CSNK1G3: variants seen among roughly 807,000 people sequenced by gnomAD.
CSNK1G3 encodes casein kinase 1 gamma 3, also known as casein kinase I isoform gamma-3.
A neutral mutation model predicts 64.3 loss-of-function variants in CSNK1G3; 23 were observed. That is an observed-to-expected ratio of 0.36 (90% CI 0.26 to 0.51). CSNK1G3 has a LOEUF of 0.51. Ranked by LOEUF, CSNK1G3 falls within the 20% of genes least tolerant of loss-of-function variation. CSNK1G3 has a pLI of 0.96. For missense variants in CSNK1G3, 357 were observed against 510.5 expected, an observed-to-expected ratio of 0.70 and a Z score of 2.90; for synonymous variants, 158 against 162.2, an observed-to-expected ratio of 0.97 and a Z score of 0.20.
exon 2 of CSNK1G3, chr5:123,545,698 A>G (rs377249938): frequency 1.2e-6 from 2 of 1,613,280 alleles, no homozygotes; most frequent in Admixed American, 1.7e-5. Flanking sequence ...GACAAATCAG[A>G]TGATAGAATG....
chr5:123,522,450 C>T (rs1233741771), intron 1 of CSNK1G3, among the ~76,000 whole-genome samples: 2 of 151,480 alleles, frequency 1.3e-5, no homozygotes, highest in East Asian at 3.9e-4. Flanking sequence ...TTGCAGTGAG[C>T]CGAGATGACA....
intron 10 of CSNK1G3, among the ~76,000 whole-genome samples, chr5:123,601,322 A>G (rs965107107): frequency 6.6e-6 from 1 of 152,198 alleles, no homozygotes; most frequent in Non-Finnish European, 1.5e-5. Context: ...TAATGCCATG[A>G]TACACTCTCA....
chr5:123,582,597 A>G (rs1581262870), intron 6 of CSNK1G3, among the ~76,000 whole-genome samples: 1 of 152,324 alleles, frequency 6.6e-6, no homozygotes, highest in Non-Finnish European at 1.5e-5. Flanking sequence ...AATGATACCT[A>G]TTTTAAAGAA....
intron 1 of CSNK1G3, among the ~76,000 whole-genome samples, chr5:123,513,338 TG>T (rs1776590996): frequency 1.3e-5 from 2 of 151,806 alleles, no homozygotes; most frequent in African/African-American, 4.8e-5. Flanking sequence ...ACTCGTGGGG[TG>T]GGGGTAGTGA....
chr5:123,565,173 A>G lies in CSNK1G3; in HGVS notation c.289+7609A>G, dbSNP rs868243888. Among the ~76,000 whole-genome samples, 23 of 152,364 alleles carry G rather than the reference A, an allele frequency of 1.5e-4. No homozygotes were observed. In the South Asian group the frequency reaches 2.3e-3, roughly 15 times the overall value. ...GCAAATGTCTTTAATGTCTGGCTTA[A>G]CAGTAAACAGCTAGATTCCCATATC... On this transcript the variant is annotated intron_variant, in intron 4 of 12. Transcript: ENST00000345990.
intron 1 of CSNK1G3, among the ~76,000 whole-genome samples, chr5:123,523,206 G>T (rs1413692877): frequency 6.6e-6 from 1 of 152,018 alleles, no homozygotes; most frequent in Non-Finnish European, 1.5e-5. Flanking sequence ...TTCCCGCTCA[G>T]TGAAAAAATT....
chr5:123,531,693 A>G (rs1779965259), intron 1 of CSNK1G3, among the ~76,000 whole-genome samples: 1 of 152,020 alleles, frequency 6.6e-6, no homozygotes, highest in African/African-American at 2.4e-5. Flanking sequence ...ACTGAGAATA[A>G]TTACAGATTT....
At chr5:123,586,503 A>G (rs574439560) in intron 6 of CSNK1G3, among the ~76,000 whole-genome samples, 1 of 152,296 alleles carries the variant, frequency 6.6e-6, no homozygotes, top group African/African-American at 2.4e-5. Flanking sequence ...TTATTTTGGA[A>G]AATTTGCTAT....
chr5:123,534,016 C>T (rs974660718), intron 1 of CSNK1G3, among the ~76,000 whole-genome samples: 3 of 151,248 alleles, frequency 2.0e-5, no homozygotes, highest in Admixed American at 6.6e-5. Context: ...ATCCTGTGCA[C>T]GGATGGGGTT....
intron 2 of CSNK1G3, among the ~76,000 whole-genome samples, chr5:123,551,420 T>TCA (rs1783618993): frequency 1.3e-5 from 2 of 152,222 alleles, no homozygotes; most frequent in Non-Finnish European, 2.9e-5. Context: ...TGAATAGAGC[T>TCA]TAAAGTTGAC....
chr5:123,558,041 C>T (rs183874184), intron 4 of CSNK1G3, among the ~76,000 whole-genome samples: 1 of 152,130 alleles, frequency 6.6e-6, no homozygotes, highest in African/African-American at 2.4e-5. Flanking sequence ...TTTACACACA[C>T]AGAAAAGGAG....
chr5:123,557,253 T>G (rs1309466995), intron 3 of CSNK1G3, among the ~76,000 whole-genome samples: 1 of 152,034 alleles, frequency 6.6e-6, no homozygotes, highest in Non-Finnish European at 1.5e-5. Flanking sequence ...GGTCAAAGAG[T>G]CAAACTTAAG....
At chr5:123,594,742 GTTCT>G (rs1248440118) in intron 10 of CSNK1G3, among the ~76,000 whole-genome samples, 12 of 151,872 alleles carry the variant, frequency 7.9e-5, no homozygotes, top group African/African-American at 2.9e-4. Context: ...TACCTTTCTG[GTTCT>G]TTATTAGTTC....
chr5:123,607,136 G>T, intron 12 of CSNK1G3, among the ~76,000 whole-genome samples: 1 of 151,926 alleles, frequency 6.6e-6, no homozygotes, highest in East Asian at 1.9e-4. Context: ...CTATAGGAAG[G>T]GTTCTCCATT....
At chr5:123,523,755 G>A (rs1349086781) in intron 1 of CSNK1G3, among the ~76,000 whole-genome samples, 1 of 152,164 alleles carries the variant, frequency 6.6e-6, no homozygotes, top group Non-Finnish European at 1.5e-5. Flanking sequence ...AACATCCACA[G>A]CACTCTGAAA....
chr5:123,518,092 A>C (rs1040419503), intron 1 of CSNK1G3, among the ~76,000 whole-genome samples: 2 of 152,296 alleles, frequency 1.3e-5, no homozygotes, highest in South Asian at 4.1e-4. Context: ...ATGTACTGTC[A>C]GGGTTGAAGG....
chr5:123,560,451 A>G (rs577829669), intron 4 of CSNK1G3, among the ~76,000 whole-genome samples: 2 of 152,328 alleles, frequency 1.3e-5, no homozygotes, highest in South Asian at 4.1e-4. Context: ...TACACTAGCC[A>G]AAAGGTAGAA....
Position 123,587,182 on chromosome 5 carries a change from C to G in CSNK1G3, c.674-886C>G, listed in dbSNP as rs150900479. On this transcript the variant is annotated intron_variant, in intron 6 of 12. Coordinates refer to ENST00000345990, the Ensembl canonical transcript of CSNK1G3. The stretch of plus-strand genomic sequence containing the variant: ...CCTTTTCTGACCCTTCATCCTAGTT[C>G]AGAGCCATACTTTGAAAAGTTTGCT... 4.3e-3 allele frequency among the ~76,000 whole-genome samples: 661 copies of G among 152,300 alleles called. 5 individuals carry two copies. The highest frequency in any genetic ancestry group is 3.8e-3 in the Non-Finnish European group (258 of 68,012).
chr5:123,523,730 CT>C (rs1319113923), intron 1 of CSNK1G3, among the ~76,000 whole-genome samples: 1 of 152,162 alleles, frequency 6.6e-6, no homozygotes, highest in Non-Finnish European at 1.5e-5. Context: ...GACCTAATTC[CT>C]TTTCAACAGT....
Sources: gnomAD v4.1 joint callset for allele counts (sites outside exome capture counted in the v4.1 genomes callset) on GRCh38, gnomAD v4.1.1 for gene constraint, MANE v1.5 for transcripts, NCBI Gene and HGNC (gene_info 2026-07-23, HGNC 2026-07-21) for gene names.